EP400: variants seen among roughly 807,000 people sequenced by gnomAD.
EP400 encodes E1A binding protein p400.
In EP400, 105 loss-of-function variants were observed where a neutral mutation model predicts 354.1. The observed-to-expected ratio is 0.30, with a 90% CI of 0.25 to 0.35. The LOEUF is 0.35. Among genes scored for constraint, EP400 ranks in the 10% least tolerant of loss-of-function variants. EP400 has a pLI of 1.00. For missense variants in EP400, 3,280 were observed against 4,121.0 expected (o/e 0.80, Z 5.59); for synonymous variants, 1,646 against 1,716.9 (o/e 0.96, Z 1.02).
intron 37 of EP400, 122 bp from the exon 38 acceptor site, chr12:132,045,197 G>A: frequency 1.4e-6 from 2 of 1,474,478 alleles, no homozygotes; most frequent in Middle Eastern, 2.1e-4. Context: ...TTTGGCAGGT[G>A]CTTTCTGTGG....
chr12:131,956,140 C>G (rs1891691854), intron 1 of EP400, among the ~76,000 whole-genome samples: 1 of 152,074 alleles, frequency 6.6e-6, no homozygotes, highest in Non-Finnish European at 1.5e-5. Flanking sequence ...TGCCAGTGAC[C>G]CACGCAGCCC....
At position 132,027,324 on chromosome 12, in the gene EP400, G is replaced by T; in HGVS notation, c.5015-113G>T. On this transcript the variant is annotated intron_variant, in intron 25 of 52. Coordinates refer to ENST00000389561, the MANE Select transcript of EP400 (RefSeq NM_015409.5). This position sits in a 1 kb window ranked among gnomAD's most constrained non-coding sequence, Gnocchi z 4.9. ...ACTTGGGGACATGCCGTTGCAGAATGACTTTCTGTGGAGTGTGCTGGTGGA... is the reference window on the plus strand; with the variant it reads ...ACTTGGGGACATGCCGTTGCAGAATTACTTTCTGTGGAGTGTGCTGGTGGA... 1 of 1,037,296 alleles carries T rather than the reference G, an allele frequency of 9.6e-7. No individual in the cohort carries two copies. The allele number at this position is 1,037,296 out of a possible 1,614,324, so 64.3% of individuals were successfully genotyped here. A position where few individuals can be genotyped will look rare whatever the true frequency, so the allele number is the denominator to read the frequency against.
At chr12:132,046,433 G>A (rs980305206) in intron 39 of EP400, among the ~76,000 whole-genome samples, 11 of 152,180 alleles carry the variant, frequency 7.2e-5, no homozygotes, top group Non-Finnish European at 8.8e-5. Context: ...TGATCGTGGC[G>A]TACTTAAAGA....
chr12:131,983,515 C>T (rs1197785819), intron 5 of EP400, among the ~76,000 whole-genome samples: 3 of 152,236 alleles, frequency 2.0e-5, no homozygotes, highest in African/African-American at 7.2e-5. Context: ...TGCCAGCCGT[C>T]AACAGGGCAC....
intron 30 of EP400, among the ~76,000 whole-genome samples, chr12:132,037,150 C>T (rs1211076913): frequency 6.6e-6 from 1 of 152,168 alleles, no homozygotes; most frequent in Admixed American, 6.5e-5. Flanking sequence ...TGTCCCTGCA[C>T]TGGGGGTCCG....
chr12:131,975,311 G>T (rs1892434742), intron 2 of EP400, among the ~76,000 whole-genome samples: 1 of 152,144 alleles, frequency 6.6e-6, no homozygotes, highest in Non-Finnish European at 1.5e-5. Context: ...CAGTTTTCTA[G>T]CACCGTTTGT....
chr12:132,051,131 G>GA (rs1441176168), intron 41 of EP400: 1 of 184,048 alleles, frequency 5.4e-6, no homozygotes, highest in African/African-American at 2.3e-5. Flanking sequence ...ATGGATGGTG[G>GA]AACCCCAGTG....
intron 2 of EP400, among the ~76,000 whole-genome samples, chr12:131,977,318 T>A (rs868107177): frequency 8.7e-5 from 13 of 150,282 alleles, no homozygotes; most frequent in Middle Eastern, 6.8e-3. Context: ...TTTTTTTTTT[T>A]GTATTTTTAG....
chr12:132,060,846 A>G (rs1303296440), intron 45 of EP400, among the ~76,000 whole-genome samples: 2 of 151,166 alleles, frequency 1.3e-5, no homozygotes, highest in African/African-American at 4.8e-5. Context: ...CCTGGGAGGC[A>G]GAGGTTGCGG....
In EP400 at chr12:132,028,068, A is replaced by C. The variant is rs778287452; in HGVS notation, c.5161A>C (p.Asn1721His). The change falls in exon 27 of 53, where the codon AAC becomes CAC. Residue 1721 changes from asparagine to histidine, a missense_variant. Around this residue, in one of 20 missense-constraint regions of EP400, gnomAD observed 459 missense variants for 496.9 expected, o/e 0.92. Coordinates refer to ENST00000389561, the MANE Select transcript of EP400 (RefSeq NM_015409.5). ...GCGCCTGGATCAGATTTATTTAGTC[A>C]ACGAGCGGCGCTGTTCTCAAGCTCC... ...KERLDQIYLVNERRCSQAPVY... is the reference protein window; with the variant it reads ...KERLDQIYLVHERRCSQAPVY... The C allele has an allele frequency of 4.3e-6, 7 of 1,614,084 alleles. No homozygotes were observed. The South Asian group carries it at 7.7e-5, about 18-fold the overall frequency.
At chr12:132,009,855 T>TG (rs71294325) in intron 15 of EP400, among the ~76,000 whole-genome samples, 2 of 146,130 alleles carry the variant, frequency 1.4e-5, no homozygotes, top group African/African-American at 2.5e-5. Flanking sequence ...TTTTTTTTTT[T>TG]GGAGAGATGA....
chr12:132,015,375 A>G, intron 19 of EP400, among the ~76,000 whole-genome samples: 2 of 152,356 alleles, frequency 1.3e-5, no homozygotes, highest in East Asian at 3.9e-4. Context: ...TCAGTAGAAT[A>G]CTGAAATCAG....
rs555708249 is a variant in EP400 at position 131,964,468 on chromosome 12, AAAAC to A, written c.1335+2534_1335+2537del. Among the ~76,000 whole-genome samples the A allele has an allele frequency of 2.6e-3, 389 of 152,258 alleles. 1 individual carries two copies. Among genetic ancestry groups the A allele is most frequent in the South Asian group, 5.0e-3 (24 of 4,830 alleles). On this transcript the variant is annotated intron_variant, in intron 2 of 52. Coordinates refer to ENST00000389561, the MANE Select transcript of EP400 (RefSeq NM_015409.5). ...GGCAGTAGAGCAGGACTCCGTCTCAAAAACAAACAAACAAACAAACAAAAACCAA... is the reference window on the plus strand; with the variant it reads ...GGCAGTAGAGCAGGACTCCGTCTCAAAAACAAACAAACAAACAAAAACCAA...
intron 5 of EP400, among the ~76,000 whole-genome samples, chr12:131,983,042 C>T (rs1397604027): frequency 6.6e-6 from 1 of 152,076 alleles, no homozygotes; most frequent in African/African-American, 2.4e-5. Flanking sequence ...GGGGTCCCTC[C>T]TTACTCACCC....
chr12:132,037,850 C>T (rs1464309424), intron 31 of EP400, 57 bp downstream of exon 31: 9 of 1,611,464 alleles, frequency 5.6e-6, no homozygotes, highest in African/African-American at 1.3e-5. Flanking sequence ...CGCGTGGAAT[C>T]GCATGGTGTT....
intron 2 of EP400, among the ~76,000 whole-genome samples, chr12:131,972,724 C>T (rs1481793419): frequency 7.1e-6 from 1 of 141,596 alleles, no homozygotes; most frequent in Non-Finnish European, 1.5e-5. Context: ...CCTAACACAA[C>T]CTTTTTTTTT....
In EP400 at chr12:132,055,084, C is replaced by T. The variant is rs368374542; in HGVS notation, c.7775-15C>T. Reference sequence around the variant, plus strand: ...TCTCCTGGCGCTGTTGCCTTATGCCCGCCTGTCTCCGCAGGTGCCGTGAGT... The same window carrying T: ...TCTCCTGGCGCTGTTGCCTTATGCCTGCCTGTCTCCGCAGGTGCCGTGAGT... On this transcript the variant is annotated splice_polypyrimidine_tract_variant and intron_variant, in intron 44 of 52. Transcript: ENST00000389561. The T allele has an allele frequency of 2.0e-5, 32 of 1,613,734 alleles. No homozygotes were observed. The highest frequency in any genetic ancestry group is 3.3e-4 in the Middle Eastern group (2 of 6,056).
At chr12:131,992,287 C>G (rs374410907) in intron 11 of EP400, 57 bp downstream of exon 11, 181 of 1,496,170 alleles carry the variant, frequency 1.2e-4, no homozygotes, top group Non-Finnish European at 1.6e-4. Context: ...TGAGATGACA[C>G]AGAGCTGCAG....
In EP400 at chr12:132,050,379, C is replaced by T; in HGVS notation, c.7257C>T (p.Ala2419=). The T allele has an allele frequency of 1.2e-6, 2 of 1,614,110 alleles. No homozygotes were observed. Among genetic ancestry groups the T allele is most frequent in the Non-Finnish European group, 1.7e-6 (2 of 1,180,026 alleles). ...TSQIYAQDEN[A]THTQLYTSHF... is the part of the protein sequence containing the mutation. ...AGATCTATGCCCAGGATGAGAATGC[C>T]ACACACACCCAGCTGTACACGAGCC... Residue 2419 remains alanine (A), a synonymous_variant, in exon 40 of 53, where the codon GCC becomes GCT. Coordinates refer to ENST00000389561, the MANE Select transcript of EP400 (RefSeq NM_015409.5). The surrounding 1 kb of genome is among the most constrained non-coding windows in gnomAD (Gnocchi z 4.8).
Sources: allele counts gnomAD v4.1 joint callset (sites outside exome capture counted in the v4.1 genomes callset), GRCh38; gene constraint gnomAD v4.1.1; regional missense constraint gnomAD v4.1.1; non-coding constraint Gnocchi (gnomAD v3.1); transcripts MANE v1.5; gene names NCBI Gene and HGNC (gene_info 2026-07-23, HGNC 2026-07-21).